The following RNLS variants were observed in gnomAD, a reference collection of about 807,000 sequenced individuals.
RNLS encodes the protein renalase, FAD dependent amine oxidase, also known as renalase.
In RNLS, 39 loss-of-function variants were observed where a neutral mutation model predicts 39.8. That is an observed-to-expected ratio of 0.98 (90% confidence interval 0.76 to 1.28). The LOEUF (loss-of-function observed/expected upper bound fraction) is 1.28, where lower values mean the gene tolerates loss of function less well. Ranked by LOEUF, RNLS falls within the 50% of genes most tolerant of loss-of-function variation. The pLI is 0.00. For synonymous variants in RNLS, 147 were observed against 150.7 expected, an observed-to-expected ratio of 0.98 and a Z score of 0.18; for missense variants, 410 against 413.3, an observed-to-expected ratio of 0.99 and a Z score of 0.07.
In RNLS at chr10:88,536,068, G is replaced by A. The variant is rs150892015; in HGVS notation, c.526+36835C>T. ...CCAATCAGACAGGCCTGAGTTTGAA[G>A]CCTGGCTCTGATACCTAACAATAGG... On this transcript the variant is annotated intron_variant, in intron 4 of 6. Coordinates refer to ENST00000331772, the MANE Select transcript of RNLS (RefSeq NM_001031709.3). Among the ~76,000 whole-genome samples the A allele has an allele frequency of 2.8e-4, 43 of 152,218 alleles. No homozygotes were observed. The East Asian group carries it at 7.7e-3, about 27-fold the overall frequency.
intron 4 of RNLS, among the ~76,000 whole-genome samples, chr10:88,365,581 ATATT>A (rs1337728310): frequency 6.8e-6 from 1 of 146,338 alleles, no homozygotes; most frequent in Non-Finnish European, 1.5e-5. Flanking sequence ...GATATGTTAT[ATATT>A]ATATATAACA....
At chr10:88,545,917 A>G (rs1748421868) in intron 4 of RNLS, among the ~76,000 whole-genome samples, 1 of 152,162 alleles carries the variant, frequency 6.6e-6, no homozygotes, top group South Asian at 2.1e-4. Context: ...CAATAGCACT[A>G]ATGAATGATA....
the RNLS span, among the ~76,000 whole-genome samples, chr10:88,177,686 T>G: frequency 1.3e-5 from 2 of 152,368 alleles, no homozygotes; most frequent in East Asian, 3.9e-4. Context: ...TTGATATTTG[T>G]GCATCTGGCA....
intron 4 of RNLS, among the ~76,000 whole-genome samples, chr10:88,504,581 G>A (rs989365752): frequency 1.3e-4 from 19 of 151,820 alleles, no homozygotes; most frequent in African/African-American, 4.3e-4. Flanking sequence ...TAAAATAGTT[G>A]GAAAAAGTAA....
At chr10:88,524,956 CAT>C (rs748723170) in intron 4 of RNLS, among the ~76,000 whole-genome samples, 8,991 of 75,224 alleles carry the variant, frequency 0.12, 722 homozygotes, top group South Asian at 0.18. Context: ...ATGGCACACA[CAT>C]ACATATATAT....
chr10:88,183,265 A>G, the RNLS span, among the ~76,000 whole-genome samples: 2 of 152,160 alleles, frequency 1.3e-5, no homozygotes, highest in Non-Finnish European at 2.9e-5. Flanking sequence ...AGCAAATAAG[A>G]GGCTGTTCTT....
At position 88,367,201 on chromosome 10, in the gene RNLS, C is replaced by G. The variant is rs561061075; in HGVS notation, c.527-4476G>C. 3.3e-5 allele frequency among the ~76,000 whole-genome samples: 5 copies of G among 152,158 alleles called. No homozygotes were observed. The South Asian group carries it at 1.0e-3, about 32-fold the overall frequency. On this transcript the variant is annotated intron_variant, in intron 4 of 6. Transcript: ENST00000331772. ...ATCAAGAAACAGAGCATTACCAGAA[C>G]CCCAGAAGCTACCTTCTGCTCCTTT... is the stretch of plus-strand genomic sequence containing the variant.
chr10:88,380,367 T>C (rs1454205914), intron 4 of RNLS, among the ~76,000 whole-genome samples: 2 of 44,424 alleles, frequency 4.5e-5, no homozygotes, highest in African/African-American at 1.5e-4. Flanking sequence ...TTGTATCTTT[T>C]TTTTTTTTTT....
At chr10:88,485,735 A>G (rs1462335314) in intron 4 of RNLS, among the ~76,000 whole-genome samples, 3 of 151,548 alleles carry the variant, frequency 2.0e-5, no homozygotes, top group African/African-American at 7.3e-5. Flanking sequence ...GTATGAGCTC[A>G]TTTTGCAGGT....
chr10:88,375,853 T>C (rs1850950403), intron 4 of RNLS, among the ~76,000 whole-genome samples: 1 of 152,054 alleles, frequency 6.6e-6, no homozygotes. Flanking sequence ...AAATATGGGA[T>C]TGGAAGAAGG....
the RNLS span, among the ~76,000 whole-genome samples, chr10:88,241,249 A>C: frequency 5.8e-4 from 70 of 121,344 alleles, no homozygotes; most frequent in African/African-American, 2.0e-3. Flanking sequence ...TTAATTTTTC[A>C]AAAAAAAAAA....
chr10:88,445,095 G>T (rs1376090148), intron 4 of RNLS, among the ~76,000 whole-genome samples: 11 of 152,184 alleles, frequency 7.2e-5, no homozygotes, highest in Non-Finnish European at 8.8e-5. Flanking sequence ...ACAAAGGGAA[G>T]CCCAACAGAC....
intron 6 of RNLS, among the ~76,000 whole-genome samples, chr10:88,301,342 G>A (rs773502239): frequency 6.6e-6 from 1 of 152,174 alleles, no homozygotes; most frequent in East Asian, 1.9e-4. Flanking sequence ...CAAGTGGTTA[G>A]TTATGTGCTG....
At chr10:88,195,209 T>A in the RNLS span, among the ~76,000 whole-genome samples, 1 of 152,216 alleles carries the variant, frequency 6.6e-6, no homozygotes, top group East Asian at 1.9e-4. Flanking sequence ...CCAGCTTAGA[T>A]AAGGTGCTCT....
the RNLS span, among the ~76,000 whole-genome samples, chr10:88,193,604 C>T: frequency 6.6e-6 from 1 of 152,158 alleles, no homozygotes; most frequent in South Asian, 2.1e-4. Context: ...ATCACATATG[C>T]TTCCCTGATC....
chr10:88,265,316 G>T, the RNLS span, among the ~76,000 whole-genome samples: 2 of 122,874 alleles, frequency 1.6e-5, no homozygotes, highest in East Asian at 2.4e-4. Flanking sequence ...GGCTATGCAG[G>T]GTTTTTCTTT....
intron 4 of RNLS, among the ~76,000 whole-genome samples, chr10:88,452,058 A>T (rs7899828): frequency 0.71 from 107,618 of 152,104 alleles, 39,240 homozygotes; most frequent in African/African-American, 0.89. Context: ...AAGGATTAAA[A>T]GAGATTATTA....
At chr10:88,284,095 C>T, downstream of RNLS, 2 of 966,732 alleles carry the variant, frequency 2.1e-6, no homozygotes, top group Admixed American at 6.2e-5. Flanking sequence ...GTGACATTAA[C>T]CACATGTTGG....
chr10:88,559,979 A>G (rs1051063264), intron 4 of RNLS, among the ~76,000 whole-genome samples: 1 of 151,976 alleles, frequency 6.6e-6, no homozygotes, highest in African/African-American at 2.4e-5. Flanking sequence ...ACATATTTTT[A>G]GAGTACATGT....
Sources: gnomAD v4.1 joint callset for allele counts (sites outside exome capture counted in the v4.1 genomes callset) on GRCh38, gnomAD v4.1.1 for gene constraint, MANE v1.5 for transcripts, NCBI Gene and HGNC (gene_info 2026-07-23, HGNC 2026-07-21) for gene names.